TNIK: variants seen among roughly 807,000 people sequenced by gnomAD.
The protein encoded by TNIK is TRAF2 and NCK interacting kinase.
A neutral mutation model predicts 191.3 loss-of-function variants in TNIK; 49 were observed. That is an observed-to-expected ratio of 0.26 (90% CI 0.20 to 0.32). The LOEUF is 0.32. Ranked by LOEUF, TNIK falls within the 10% of genes least tolerant of loss-of-function variation. TNIK has a pLI of 1.00. For missense variants in TNIK, 1,155 were observed against 1,702.3 expected, an observed-to-expected ratio of 0.68 and a Z score of 5.66; for synonymous variants, 594 against 600.9, an observed-to-expected ratio of 0.99 and a Z score of 0.17.
At chr3:171,087,259 A>C in intron 24 of TNIK, 83 bp downstream of exon 24, 2 of 1,559,100 alleles carry the variant, frequency 1.3e-6, no homozygotes, top group Non-Finnish European at 1.7e-6. Flanking sequence ...AGCTTGGCGA[A>C]GCCTCATTCT....
intron 2 of TNIK, among the ~76,000 whole-genome samples, chr3:171,299,659 G>GA (rs1752686489): frequency 1.3e-5 from 2 of 152,076 alleles, no homozygotes; most frequent in Non-Finnish European, 2.9e-5. Context: ...TGAAGTTGGA[G>GA]AAAAAAACAA....
chr3:171,198,853 A>T (rs1739048471), intron 4 of TNIK, among the ~76,000 whole-genome samples: 1 of 152,218 alleles, frequency 6.6e-6, no homozygotes, highest in Non-Finnish European at 1.5e-5. Flanking sequence ...TGAGCAAAAC[A>T]TGTTTGTGTC....
intron 2 of TNIK, among the ~76,000 whole-genome samples, chr3:171,275,969 G>A (rs939171630): frequency 1.3e-5 from 2 of 151,428 alleles, no homozygotes; most frequent in African/African-American, 4.8e-5. Flanking sequence ...CCTCTACAAA[G>A]GAATAGGAAT....
At chr3:171,081,714 A>G (rs1165674998) in intron 27 of TNIK, among the ~76,000 whole-genome samples, 4 of 146,816 alleles carry the variant, frequency 2.7e-5, no homozygotes. Context: ...TTTTTCCTAT[A>G]TAAGGCTCTT....
In TNIK at chr3:171,128,811, A is replaced by G. The variant is rs1347086969; in HGVS notation, c.1676T>C (p.Ile559Thr). Reference sequence around the variant, plus strand: ...CCTTGGGGGCAGGTTGGGGTCAGATATCCTGTTGGCAACCTTGTGAGGCAT... The same window carrying G: ...CCTTGGGGGCAGGTTGGGGTCAGATGTCCTGTTGGCAACCTTGTGAGGCAT... ...PAMPHKVANR[I>T]SDPNLPPRSE... The change falls in exon 16 of 33, where the codon ATA (isoleucine) becomes ACA (threonine). Residue 559 changes from isoleucine (I) to threonine (T), a missense_variant. Ile to Thr is a moderately conservative substitution (Grantham distance 89). Transcript: ENST00000436636. The G allele has an allele frequency of 6.3e-7, 1 of 1,597,504 alleles. No homozygotes were observed. The highest frequency in any genetic ancestry group is 1.7e-5 in the Admixed American group (1 of 57,870).
At chr3:171,425,987 G>A (rs1220887869) in intron 1 of TNIK, among the ~76,000 whole-genome samples, 9 of 152,266 alleles carry the variant, frequency 5.9e-5, no homozygotes, top group Non-Finnish European at 1.0e-4. Flanking sequence ...CATTGTGGAC[G>A]TCAGTGTGGC....
chr3:171,407,074 A>G (rs978954787), intron 1 of TNIK, among the ~76,000 whole-genome samples: 4 of 152,144 alleles, frequency 2.6e-5, no homozygotes, highest in Admixed American at 2.0e-4. Context: ...AATGGTCAAG[A>G]GGAGCTTGAA....
intron 2 of TNIK, among the ~76,000 whole-genome samples, chr3:171,253,406 T>C (rs1746470475): frequency 6.6e-6 from 1 of 151,968 alleles, no homozygotes; most frequent in Non-Finnish European, 1.5e-5. Context: ...CACTCTGGCT[T>C]AATTCTTTCA....
chr3:171,214,882 T>A (rs1741274366), intron 3 of TNIK, among the ~76,000 whole-genome samples: 1 of 152,198 alleles, frequency 6.6e-6, no homozygotes, highest in Admixed American at 6.5e-5. Context: ...AGCTTTAGTA[T>A]TAATATAAAG....
intron 4 of TNIK, among the ~76,000 whole-genome samples, chr3:171,205,886 C>T (rs1387554118): frequency 6.6e-6 from 1 of 152,182 alleles, no homozygotes; most frequent in African/African-American, 2.4e-5. Flanking sequence ...GGGCACTAAT[C>T]CCATTTATAA....
chr3:171,434,679 T>C (rs1230587223), intron 1 of TNIK, among the ~76,000 whole-genome samples: 1 of 151,982 alleles, frequency 6.6e-6, no homozygotes, highest in Non-Finnish European at 1.5e-5. Flanking sequence ...AGGCTGGTCT[T>C]GAACTCCTGG....
intron 2 of TNIK, among the ~76,000 whole-genome samples, chr3:171,333,301 A>C (rs1756591201): frequency 1.3e-5 from 2 of 152,074 alleles, no homozygotes; most frequent in Non-Finnish European, 2.9e-5. Flanking sequence ...CACACCTATA[A>C]TCCCAGCACT....
intron 1 of TNIK, among the ~76,000 whole-genome samples, chr3:171,392,049 T>C (rs539058334): frequency 2.0e-5 from 3 of 152,316 alleles, no homozygotes; most frequent in South Asian, 4.2e-4. Flanking sequence ...CAAAACTCTA[T>C]AATTGCTGAA....
At chr3:171,297,731 T>C (rs13072653) in intron 2 of TNIK, among the ~76,000 whole-genome samples, 75,160 of 152,024 alleles carry the variant, frequency 0.49, 19,156 homozygotes, top group African/African-American at 0.52. Flanking sequence ...TTAAAGCATT[T>C]TAAGTGTAAA....
In TNIK at chr3:171,302,576, G is replaced by A. The variant is rs543397232; in HGVS notation, c.123+67044C>T. On this transcript the variant is annotated intron_variant, in intron 2 of 32. Transcript: ENST00000436636. The stretch of plus-strand genomic sequence containing the variant: ...GGCTCCAATGGGAACCCGAACATTA[G>A]ACTTTAAAATTTTCTTTTGAATTAT... 1.4e-3 allele frequency among the ~76,000 whole-genome samples: 211 copies of A among 152,264 alleles called. 4 individuals carry two copies. In the East Asian group the frequency reaches 0.032, roughly 23 times the overall value.
intron 2 of TNIK, among the ~76,000 whole-genome samples, chr3:171,362,605 G>A (rs1715143992): frequency 6.6e-6 from 1 of 152,228 alleles, no homozygotes; most frequent in Non-Finnish European, 1.5e-5. Flanking sequence ...TGTTTGGGAA[G>A]AGGAAAAGGT....
rs142906267 is a variant in TNIK, at chr3:171,449,331, G to A, written c.57+10676C>T. 7.5e-4 allele frequency among the ~76,000 whole-genome samples: 114 copies of A among 152,270 alleles called. 1 individual carries two copies. The highest frequency in any genetic ancestry group is 2.1e-3 in the East Asian group (11 of 5,180). On this transcript the variant is annotated intron_variant, in intron 1 of 32. Coordinates refer to ENST00000436636, the MANE Select transcript of TNIK (RefSeq NM_015028.4). ...TAGATCTTTGAGGAATCGCCACACCGTCTTCCACAATGGTTGAACTAATTT... is the reference window on the plus strand; with the variant it reads ...TAGATCTTTGAGGAATCGCCACACCATCTTCCACAATGGTTGAACTAATTT...
intron 12 of TNIK, among the ~76,000 whole-genome samples, chr3:171,152,811 G>A (rs1322736617): frequency 2.7e-5 from 4 of 147,170 alleles, no homozygotes; most frequent in African/African-American, 7.5e-5. Context: ...TTGCTCTGTT[G>A]CCCAGGCTGG....
Position 171,445,235 on chromosome 3 carries a change from C to T in TNIK, c.57+14772G>A, listed in dbSNP as rs151298642. On this transcript the variant is annotated intron_variant, in intron 1 of 32. Coordinates refer to ENST00000436636, the MANE Select transcript of TNIK (RefSeq NM_015028.4). ...CCTTGAGCTTAGGAATCCGAGATCA[C>T]GTAGGAAAGCCCTTCTCTATAAAAA... Among the ~76,000 whole-genome samples the T allele has an allele frequency of 7.2e-5, 11 of 151,940 alleles. 1 individual carries two copies. The highest frequency in any genetic ancestry group is 2.7e-4 in the African/African-American group (11 of 41,462).
Sources: gnomAD v4.1 joint callset for allele counts (sites outside exome capture counted in the v4.1 genomes callset) on GRCh38, gnomAD v4.1.1 for gene constraint, MANE v1.5 for transcripts, NCBI Gene and HGNC (gene_info 2026-07-23, HGNC 2026-07-21) for gene names.